UBP1: variants seen among roughly 807,000 people sequenced by gnomAD.
The protein encoded by UBP1 is upstream-binding protein 1.
In UBP1, 22 loss-of-function variants were observed where a neutral mutation model predicts 76.1. That is an observed-to-expected ratio of 0.29 (90% CI 0.21 to 0.41). The LOEUF is 0.41. Among genes scored for constraint, UBP1 ranks in the 10% least tolerant of loss-of-function variants. The probability of loss-of-function intolerance (pLI) is 1.00; values close to 1 mark genes in which losing one functional copy is unlikely to be tolerated. For missense variants in UBP1, 436 were observed against 668.1 expected (o/e 0.65, Z 3.83); for synonymous variants, 224 against 237.1 (o/e 0.94, Z 0.51).
intron 1 of UBP1, 84 bp downstream of exon 1, chr3:33,439,652 G>A (rs2045258266): frequency 3.6e-5 from 53 of 1,462,146 alleles, no homozygotes; most frequent in Non-Finnish European, 4.7e-5. Context: ...ACCTCTGGGA[G>A]CAGCCGCATC....
intron 13 of UBP1, among the ~76,000 whole-genome samples, chr3:33,394,817 G>GTTT (rs76142927): frequency 0.21 from 22,689 of 109,882 alleles, 2,373 homozygotes; most frequent in East Asian, 0.52. Context: ...CCCTCCACTT[G>GTTT]TTTTTTTTTT....
Position 33,439,831 on chromosome 3 carries a change from C to T in UBP1, c.18G>A (p.Lys6=), listed in dbSNP as rs1233776573. Residue 6 remains lysine (K), a synonymous_variant, in exon 1 of 16, where the codon AAG becomes AAA. Transcript: ENST00000283629. The part of the protein sequence containing the change: MAWVL[K]MDEVIESGLV... ...GCCCGGACTCGATCACCTCGTCCATCTTGAGCACCCAGGCCATCTTCCGGC... is the reference window on the plus strand; with the variant it reads ...GCCCGGACTCGATCACCTCGTCCATTTTGAGCACCCAGGCCATCTTCCGGC... 4 of 1,612,148 alleles carry T rather than the reference C, an allele frequency of 2.5e-6. No individual in the cohort carries two copies. In the African/African-American group the frequency reaches 4.0e-5, roughly 16 times the overall value.
At chr3:33,409,160 A>G (rs2044507143) in intron 7 of UBP1, 76 bp downstream of exon 7, 23 of 1,388,692 alleles carry the variant, frequency 1.7e-5, no homozygotes, top group Non-Finnish European at 2.2e-5. Context: ...ACCCTTTTGT[A>G]GCAGAACTCA....
At chr3:33,418,449 G>A (rs998360316) in intron 2 of UBP1, among the ~76,000 whole-genome samples, 5 of 151,936 alleles carry the variant, frequency 3.3e-5, no homozygotes, top group African/African-American at 4.8e-5. Flanking sequence ...AGTAGAGACA[G>A]GGTTTCGCCA....
At chr3:33,415,443 T>C (rs981343916) in intron 3 of UBP1, among the ~76,000 whole-genome samples, 1 of 152,172 alleles carries the variant, frequency 6.6e-6, no homozygotes, top group African/African-American at 2.4e-5. Context: ...ACAAGGGGAA[T>C]AGATGAAACA....
chr3:33,395,306 C>T (rs2043930701), intron 13 of UBP1, among the ~76,000 whole-genome samples: 1 of 152,138 alleles, frequency 6.6e-6, no homozygotes, highest in Middle Eastern at 3.4e-3. Context: ...CAAATAACTG[C>T]ATCTCTGAAT....
chr3:33,414,717 C>T (rs922085405), intron 3 of UBP1, among the ~76,000 whole-genome samples: 23 of 152,318 alleles, frequency 1.5e-4, no homozygotes, highest in Admixed American at 9.8e-4. Context: ...TAATCCCAGA[C>T]AAGCTTACAG....
intron 1 of UBP1, among the ~76,000 whole-genome samples, chr3:33,438,920 T>C (rs1575495829): frequency 6.6e-6 from 1 of 152,318 alleles, no homozygotes; most frequent in East Asian, 1.9e-4. Context: ...GCCAAACCAC[T>C]GATTTTTAGA....
At chr3:33,391,466 G>A (rs1315183071) in intron 15 of UBP1, 1 of 152,108 alleles carries the variant, frequency 6.6e-6, no homozygotes, top group Non-Finnish European at 1.5e-5. Context: ...CTGCTGATAT[G>A]CTGAAGGTTT....
chr3:33,421,465 TCAC>T (rs1180793111), intron 2 of UBP1, among the ~76,000 whole-genome samples: 1 of 152,162 alleles, frequency 6.6e-6, no homozygotes, highest in East Asian at 1.9e-4. Flanking sequence ...AGAGATGGTT[TCAC>T]CACATTGGCC....
chr3:33,408,682 T>TC lies in UBP1; in HGVS notation c.927+7dup, dbSNP rs748746373. On this transcript the variant is annotated splice_region_variant and intron_variant, in intron 8 of 15. Transcript: ENST00000283629. The stretch of plus-strand genomic sequence containing the variant: ...TGCACAATGAAAAGAGAAGCAGAAG[T>TC]CCCTTACACTGCCTCGCTTTGCCAG... 1 of 1,604,840 alleles carries TC rather than the reference T, an allele frequency of 6.2e-7. No individual in the cohort carries two copies. Among genetic ancestry groups the TC allele is most frequent in the African/African-American group, 1.3e-5 (1 of 74,294 alleles).
At chr3:33,396,784 C>T (rs1308309208) in intron 12 of UBP1, 5 of 631,886 alleles carry the variant, frequency 7.9e-6, no homozygotes, top group Admixed American at 4.2e-5. Flanking sequence ...CAAACCCAGT[C>T]GTCTTCAAGA....
chr3:33,393,585 G>T, intron 13 of UBP1, 131 bp from the exon 14 acceptor site: 1 of 777,516 alleles, frequency 1.3e-6, no homozygotes, highest in South Asian at 3.4e-5. Flanking sequence ...ATTTTAAATG[G>T]GAATAAACTA....
Position 33,408,649 on chromosome 3 carries a change from A to G in UBP1, c.927+41T>C, listed in dbSNP as rs187316701. Reference sequence around the variant, plus strand: ...TTGGTCCTATATCTAACACTGCACAAGGTTTCTTGCACAATGAAAAGAGAA... The same window carrying G: ...TTGGTCCTATATCTAACACTGCACAGGGTTTCTTGCACAATGAAAAGAGAA... On this transcript the variant is annotated intron_variant, in intron 8 of 15. Transcript: ENST00000283629. 9 of 1,562,326 alleles carry G rather than the reference A, an allele frequency of 5.8e-6. No homozygotes were observed. In the East Asian group the frequency reaches 1.1e-4, roughly 20 times the overall value.
chr3:33,416,724 A>C (rs373488624), intron 3 of UBP1, 34 bp downstream of exon 3: 3 of 1,483,344 alleles, frequency 2.0e-6, no homozygotes, highest in African/African-American at 2.8e-5. Flanking sequence ...AATCACAGCA[A>C]TATCCATTGG....
At chr3:33,416,952 G>A in intron 2 of UBP1, 118 bp from the exon 3 acceptor site, 1 of 828,542 alleles carries the variant, frequency 1.2e-6, no homozygotes, top group Non-Finnish European at 1.9e-6. Flanking sequence ...TTGTTAATTT[G>A]CTACGGAAGC....
Position 33,402,920 on chromosome 3 carries a change from GAAAT to G in UBP1, c.928-20_928-17del. On this transcript the variant is annotated splice_polypyrimidine_tract_variant and intron_variant, in intron 8 of 15. Transcript: ENST00000283629. ...ACGGAGAACACTAAGGACAGAAACAGAAATAAATTAGTGATATGCTTTTAAAATA... is the reference window on the plus strand; with the variant it reads ...ACGGAGAACACTAAGGACAGAAACAGAAATTAGTGATATGCTTTTAAAATA... The G allele has an allele frequency of 6.3e-7, 1 of 1,579,778 alleles. No homozygotes were observed. Among genetic ancestry groups the G allele is most frequent in the Non-Finnish European group, 8.6e-7 (1 of 1,157,332 alleles).
At chr3:33,422,161 T>C (rs2044912304) in intron 2 of UBP1, among the ~76,000 whole-genome samples, 1 of 152,240 alleles carries the variant, frequency 6.6e-6, no homozygotes, top group Non-Finnish European at 1.5e-5. Context: ...AAGCTTCTAT[T>C]ATTCAGTAGA....
At position 33,409,258 on chromosome 3, in the gene UBP1, T is replaced by C. The variant is rs188688575; in HGVS notation, c.797A>G (p.Tyr266Cys). Residue 266 changes from tyrosine (Y) to cysteine (C), a missense_variant, in exon 7 of 16, where the codon TAT (tyrosine) becomes TGT (cysteine). Coordinates refer to ENST00000283629, the MANE Select transcript of UBP1 (RefSeq NM_014517.5). Reference sequence around the variant, plus strand: ...TACCTCTGTGAGGATTGTGGTATCATAGGACGGCTGATACTTTTCTTTTTC... The same window carrying C: ...TACCTCTGTGAGGATTGTGGTATCACAGGACGGCTGATACTTTTCTTTTTC... ...AHEKEKYQPS[Y>C]DTTILTEMRL... 5.1e-5 allele frequency: 83 copies of C among 1,614,132 alleles called. No homozygotes were observed. The highest frequency in any genetic ancestry group is 6.6e-5 in the Non-Finnish European group (78 of 1,179,968).
Sources: gnomAD v4.1 joint callset for allele counts (sites outside exome capture counted in the v4.1 genomes callset) on GRCh38, gnomAD v4.1.1 for gene constraint, MANE v1.5 for transcripts, NCBI Gene and HGNC (gene_info 2026-07-23, HGNC 2026-07-21) for gene names.